The following ATP8A1 variants were observed in gnomAD, a reference collection of about 807,000 sequenced individuals.
ATP8A1 encodes the protein phospholipid-transporting ATPase IA.
Under a neutral mutation model 177.7 loss-of-function variants are expected in ATP8A1, and 90 were observed. The ratio of observed to expected loss-of-function variants is 0.51; its 90% CI spans 0.43 to 0.60. ATP8A1 has a LOEUF of 0.60. ATP8A1 is among the 20% of genes least tolerant of loss of function. The pLI is 0.00. For synonymous variants in ATP8A1, 493 were observed against 485.9 expected (o/e 1.01, Z -0.19); for missense variants, 1,072 against 1,392.8 (o/e 0.77, Z 3.67).
At chr4:42,462,366 A>C (rs924448995) in intron 27 of ATP8A1, among the ~76,000 whole-genome samples, 1 of 152,218 alleles carries the variant, frequency 6.6e-6, no homozygotes, top group Non-Finnish European at 1.5e-5. Flanking sequence ...TGCAGCCAAG[A>C]GACTTGGTGC....
chr4:42,596,438 G>T (rs527932396), intron 6 of ATP8A1, among the ~76,000 whole-genome samples: 1 of 152,222 alleles, frequency 6.6e-6, no homozygotes, highest in South Asian at 2.1e-4. Flanking sequence ...GGGAGACTGA[G>T]GCGGGCGGAT....
chr4:42,437,582 C>A (rs561373114), intron 33 of ATP8A1, among the ~76,000 whole-genome samples: 25 of 152,286 alleles, frequency 1.6e-4, no homozygotes, highest in African/African-American at 6.0e-4. Context: ...CAATTGTCTA[C>A]CTTACCCCCA....
At chr4:42,621,600 C>A (rs536806790) in intron 4 of ATP8A1, among the ~76,000 whole-genome samples, 1 of 152,308 alleles carries the variant, frequency 6.6e-6, no homozygotes, top group African/African-American at 2.4e-5. Flanking sequence ...ACATTCCATG[C>A]TGCTGGATAG....
chr4:42,505,582 T>C (rs1025728033), intron 23 of ATP8A1, among the ~76,000 whole-genome samples: 1 of 152,200 alleles, frequency 6.6e-6, no homozygotes, highest in African/African-American at 2.4e-5. Context: ...AATTAACAAC[T>C]TGTGTGGTTT....
intron 33 of ATP8A1, among the ~76,000 whole-genome samples, chr4:42,439,773 C>T (rs1278525792): frequency 6.6e-6 from 1 of 152,162 alleles, no homozygotes; most frequent in Non-Finnish European, 1.5e-5. Context: ...TTACAAATCC[C>T]TGAAATACCT....
intron 33 of ATP8A1, among the ~76,000 whole-genome samples, chr4:42,432,747 A>G (rs1264728553): frequency 6.6e-6 from 1 of 152,198 alleles, no homozygotes; most frequent in African/African-American, 2.4e-5. Flanking sequence ...GTAGCTGCAC[A>G]TCTTGGGTAG....
intron 30 of ATP8A1, among the ~76,000 whole-genome samples, chr4:42,449,663 A>G (rs1717724782): frequency 1.3e-5 from 2 of 152,268 alleles, no homozygotes; most frequent in Non-Finnish European, 2.9e-5. Flanking sequence ...ACCATAAAGT[A>G]GTTTATGCTA....
intron 1 of ATP8A1, among the ~76,000 whole-genome samples, chr4:42,631,951 T>C (rs752084027): frequency 2.6e-5 from 4 of 152,198 alleles, no homozygotes; most frequent in Non-Finnish European, 4.4e-5. Context: ...ACACCAGATA[T>C]ATGCGCCTTC....
chr4:42,642,850 T>C (rs1296716079), intron 1 of ATP8A1, among the ~76,000 whole-genome samples: 1 of 152,126 alleles, frequency 6.6e-6, no homozygotes, highest in Non-Finnish European at 1.5e-5. Context: ...GGCATACAGA[T>C]GAATATAAGA....
rs192753825 is a variant in ATP8A1, at chr4:42,594,658, G to C, written c.451-3774C>G. Among the ~76,000 whole-genome samples, 30 of 152,128 alleles carry C rather than the reference G, an allele frequency of 2.0e-4. 1 individual carries two copies. The highest frequency in any genetic ancestry group is 1.5e-5 in the Non-Finnish European group (1 of 67,950). On this transcript the variant is annotated intron_variant, in intron 6 of 36. Coordinates refer to ENST00000381668, the MANE Select transcript of ATP8A1 (RefSeq NM_006095.2). ...TCCTCTCTGACATAAAAATATAAAG[G>C]AGGGATTTACCAATATAAATCTTTA...
chr4:42,413,632 C>T (rs903032420), intron 36 of ATP8A1, among the ~76,000 whole-genome samples: 1 of 152,190 alleles, frequency 6.6e-6, no homozygotes, highest in Non-Finnish European at 1.5e-5. Flanking sequence ...ACAATGCCCT[C>T]ACATCAGTTC....
chr4:42,564,338 T>C (rs1385520008), intron 15 of ATP8A1, among the ~76,000 whole-genome samples: 2 of 152,074 alleles, frequency 1.3e-5, no homozygotes, highest in Non-Finnish European at 2.9e-5. Flanking sequence ...CCAGTGGATC[T>C]AGCATTGCAC....
In ATP8A1 at chr4:42,422,857, C is replaced by G. The variant is rs752611140; in HGVS notation, c.3255G>C (p.Gln1085His). The G allele has an allele frequency of 5.6e-6, 9 of 1,612,896 alleles. No homozygotes were observed. Among genetic ancestry groups the G allele is most frequent in the African/African-American group, 4.0e-5 (3 of 75,004 alleles). Residue 1085 changes from glutamine to histidine, a missense_variant, in exon 35 of 37, where the codon CAG becomes CAC. Coordinates refer to ENST00000381668, the MANE Select transcript of ATP8A1 (RefSeq NM_006095.2). The part of the protein sequence containing the change: ...TAFKTLVDEV[Q>H]ELEAKSQDPG... Reference sequence around the variant, plus strand: ...GGTCTTGAGATTTTGCCTCCAGCTCCTGAACTTCATCGACCAATGTTTTAA... The same window carrying G: ...GGTCTTGAGATTTTGCCTCCAGCTCGTGAACTTCATCGACCAATGTTTTAA...
chr4:42,651,795 G>A (rs1244611953), intron 1 of ATP8A1, among the ~76,000 whole-genome samples: 1 of 152,194 alleles, frequency 6.6e-6, no homozygotes, highest in East Asian at 1.9e-4. Flanking sequence ...AAGGCACAAG[G>A]AGCCAACATC....
chr4:42,451,497 C>A (rs17531575), intron 30 of ATP8A1, among the ~76,000 whole-genome samples: 47,105 of 151,976 alleles, frequency 0.31, 7,682 homozygotes, highest in Middle Eastern at 0.41. Flanking sequence ...AGAATAAAAT[C>A]ACTTCCCTCA....
At position 42,586,429 on chromosome 4, in the gene ATP8A1, C is replaced by T. The variant is rs1332249002; in HGVS notation, c.642G>A (p.Arg214=). 1 of 1,614,134 alleles carries T rather than the reference C, an allele frequency of 6.2e-7. No homozygotes were observed. ...TTTCACACTCAATTCTGCCAGAAAT[C>T]CTCATCAAACTGTCAACGTCTTTGA... is the stretch of plus-strand genomic sequence containing the variant. ...SDIKDVDSLM[R]ISGRIECESP... is the part of the protein sequence containing the mutation. The change falls in exon 9 of 37, where the codon AGG becomes AGA. Residue 214 remains arginine (R), a synonymous_variant. Coordinates refer to ENST00000381668, the MANE Select transcript of ATP8A1 (RefSeq NM_006095.2).
intron 31 of ATP8A1, 83 bp downstream of exon 31, chr4:42,446,500 T>C (rs1006180041): frequency 7.1e-6 from 10 of 1,407,392 alleles, no homozygotes; most frequent in Middle Eastern, 1.8e-4. Context: ...AACACTCATA[T>C]CACGTTTAAA....
intron 25 of ATP8A1, 93 bp downstream of exon 25, chr4:42,485,403 T>C (rs961492752): frequency 8.2e-7 from 1 of 1,218,584 alleles, no homozygotes; most frequent in Non-Finnish European, 1.1e-6. Flanking sequence ...CTAACTTTTG[T>C]AAACTCTGGA....
intron 33 of ATP8A1, among the ~76,000 whole-genome samples, chr4:42,440,335 G>GTTT (rs35291607): frequency 8.9e-5 from 12 of 135,494 alleles, no homozygotes; most frequent in Non-Finnish European, 6.3e-5. Context: ...AGCTCCTCCA[G>GTTT]TTTTTTTTTT....
Sources: gnomAD v4.1 joint callset for allele counts (sites outside exome capture counted in the v4.1 genomes callset) on GRCh38, gnomAD v4.1.1 for gene constraint, MANE v1.5 for transcripts, NCBI Gene and HGNC (gene_info 2026-07-23, HGNC 2026-07-21) for gene names.